Variants in SH3KBP1 observed in about 807,000 individuals in gnomAD.
SH3KBP1 encodes the protein SH3 domain containing kinase binding protein 1.
SH3KBP1 carries 8 observed loss-of-function variants against 50.1 expected under a neutral mutation model. The observed-to-expected ratio is 0.16, with a 90% CI of 0.09 to 0.29. The LOEUF (loss-of-function observed/expected upper bound fraction) is 0.29. Ranked by LOEUF, SH3KBP1 falls within the 10% of genes least tolerant of loss-of-function variation. SH3KBP1 has a pLI of 1.00. For missense variants in SH3KBP1, 377 were observed against 535.2 expected, an observed-to-expected ratio of 0.70 and a Z score of 2.92; for synonymous variants, 227 against 218.6, an observed-to-expected ratio of 1.04 and a Z score of -0.34.
At chrX:19,863,726 C>T (rs777954473) in intron 1 of SH3KBP1, among the ~76,000 whole-genome samples, 3 of 111,207 alleles carry the variant, frequency 2.7e-5, no homozygotes, top group Non-Finnish European at 5.7e-5. Context: ...CCCAACCTCC[C>T]TCGGGACACC....
intron 3 of SH3KBP1, among the ~76,000 whole-genome samples, chrX:19,724,132 C>G (rs180746612): frequency 9.9e-5 from 11 of 111,097 alleles, no homozygotes; most frequent in African/African-American, 3.6e-4. Context: ...TTTCCTCCCC[C>G]TCTCAGAGGG....
At chrX:19,829,286 T>C (rs2067786232) in intron 2 of SH3KBP1, among the ~76,000 whole-genome samples, 1 of 111,790 alleles carries the variant, frequency 8.9e-6, no homozygotes, top group Non-Finnish European at 1.9e-5. Context: ...TGTGCACCAG[T>C]CATATATAAA....
At chrX:19,797,890 AACACACACAC>A (rs60418789) in intron 2 of SH3KBP1, among the ~76,000 whole-genome samples, 12 of 97,417 alleles carry the variant, frequency 1.2e-4, no homozygotes, top group African/African-American at 1.5e-4. Flanking sequence ...AAGTGCCCTA[AACACACACAC>A]ACACACACAC....
Position 19,583,022 on chromosome X carries a change from C to G in SH3KBP1, c.1298+5621G>C, listed in dbSNP as rs763800912. Among the ~76,000 whole-genome samples, 41 of 110,064 alleles carry G rather than the reference C, an allele frequency of 3.7e-4. 1 individual carries two copies. The highest frequency in any genetic ancestry group is 6.3e-4 in the Non-Finnish European group (33 of 52,729). ...AGAGCTAAGGGCAGCCTGCCTCTCTCCAGCATTTCCTTGGGTTTTTCTTTT... is the reference window on the plus strand; with the variant it reads ...AGAGCTAAGGGCAGCCTGCCTCTCTGCAGCATTTCCTTGGGTTTTTCTTTT... On this transcript the variant is annotated intron_variant, in intron 12 of 17. Coordinates refer to ENST00000397821, the MANE Select transcript of SH3KBP1 (RefSeq NM_031892.3).
intron 2 of SH3KBP1, among the ~76,000 whole-genome samples, chrX:19,774,391 G>A (rs186377841): frequency 4.1e-4 from 45 of 111,032 alleles, no homozygotes; most frequent in Non-Finnish European, 7.7e-4. Flanking sequence ...AACCTAAGCC[G>A]CCGGGCGCGG....
chrX:19,540,067 C>T (rs779433245), intron 16 of SH3KBP1, among the ~76,000 whole-genome samples: 2 of 111,278 alleles, frequency 1.8e-5, no homozygotes, highest in African/African-American at 6.5e-5. Flanking sequence ...AGGCAAGAAC[C>T]AATGCTCTGG....
intron 15 of SH3KBP1, among the ~76,000 whole-genome samples, 188 bp from the exon 16 acceptor site, chrX:19,542,381 C>T (rs757941195): frequency 7.0e-4 from 78 of 112,122 alleles, no homozygotes; most frequent in African/African-American, 2.5e-3. Flanking sequence ...TACTCACACG[C>T]CGCCTTCTAT....
At chrX:19,717,392 A>G (rs1027948778) in intron 3 of SH3KBP1, among the ~76,000 whole-genome samples, 5 of 111,060 alleles carry the variant, frequency 4.5e-5, no homozygotes, top group African/African-American at 1.3e-4. Context: ...GGGCAGCAAG[A>G]CCCAGTCTCT....
intron 1 of SH3KBP1, among the ~76,000 whole-genome samples, chrX:19,869,462 C>T (rs2068981746): frequency 1.8e-5 from 2 of 112,135 alleles, no homozygotes; most frequent in African/African-American, 6.5e-5. Context: ...GTCTACTTCC[C>T]TCTGCCATGG....
intron 4 of SH3KBP1, among the ~76,000 whole-genome samples, chrX:19,697,871 G>A (rs1280747414): frequency 8.9e-6 from 1 of 111,972 alleles, no homozygotes; most frequent in Non-Finnish European, 1.9e-5. Context: ...GAAACTTGTA[G>A]GATACAGACT....
chrX:19,739,087 T>C (rs922293439), intron 3 of SH3KBP1, among the ~76,000 whole-genome samples: 21 of 109,287 alleles, frequency 1.9e-4, no homozygotes, highest in African/African-American at 7.0e-4. Context: ...GAATGCATTA[T>C]TCCCATAGAA....
chrX:19,630,409 C>T (rs766272967), intron 8 of SH3KBP1, among the ~76,000 whole-genome samples: 1 of 112,258 alleles, frequency 8.9e-6, no homozygotes, highest in African/African-American at 3.2e-5. Context: ...TGTTTGGTTA[C>T]AGGTCTGATT....
intron 9 of SH3KBP1, among the ~76,000 whole-genome samples, chrX:19,603,117 A>G (rs2067140529): frequency 8.9e-6 from 1 of 112,459 alleles, no homozygotes; most frequent in Non-Finnish European, 1.9e-5. Context: ...GGCCGAAGGC[A>G]GTGGTGCAGT....
chrX:19,817,524 G>C (rs1331228191), intron 2 of SH3KBP1, among the ~76,000 whole-genome samples: 1 of 112,282 alleles, frequency 8.9e-6, no homozygotes, highest in African/African-American at 3.2e-5. Context: ...ATAGTCATAT[G>C]CTACATAACA....
intron 7 of SH3KBP1, among the ~76,000 whole-genome samples, chrX:19,639,040 C>T (rs962819274): frequency 1.8e-5 from 2 of 111,630 alleles, no homozygotes; most frequent in Admixed American, 1.9e-4. Flanking sequence ...AGGGATGCTG[C>T]CAAACATTCT....
intron 2 of SH3KBP1, chrX:19,799,590 A>G: frequency 8.6e-7 from 1 of 1,167,535 alleles, no homozygotes. Context: ...GCTACAAAAG[A>G]TGCAGACATC....
intron 2 of SH3KBP1, among the ~76,000 whole-genome samples, chrX:19,793,314 ATAT>A (rs1176640009): frequency 1.2e-5 from 1 of 82,554 alleles, no homozygotes; most frequent in African/African-American, 5.4e-5. Flanking sequence ...GGAAAAAAAA[ATAT>A]ATATATATAT....
At chrX:19,573,765 C>T (rs5909317) in intron 12 of SH3KBP1, among the ~76,000 whole-genome samples, 30,700 of 110,217 alleles carry the variant, frequency 0.28, 4,030 homozygotes, top group African/African-American at 0.51. Context: ...TCATCTCTCC[C>T]GGGAACTGGT....
chrX:19,789,180 G>A (rs759380791), intron 2 of SH3KBP1, among the ~76,000 whole-genome samples: 3 of 111,152 alleles, frequency 2.7e-5, no homozygotes, highest in African/African-American at 6.5e-5. Context: ...CAAACCAGAC[G>A]GGGTCAGAAA....
Sources: gnomAD v4.1 joint callset for allele counts (sites outside exome capture counted in the v4.1 genomes callset) on GRCh38, gnomAD v4.1.1 for gene constraint, MANE v1.5 for transcripts, NCBI Gene and HGNC (gene_info 2026-07-23, HGNC 2026-07-21) for gene names.